Variants in ACCSL observed in about 807,000 individuals in gnomAD.
ACCSL encodes the protein 1-aminocyclopropane-1-carboxylate synthase homolog (inactive) like.
Under a neutral mutation model 61.7 loss-of-function variants are expected in ACCSL, and 55 were observed. The ratio of observed to expected loss-of-function variants is 0.89; its 90% CI spans 0.72 to 1.12. The LOEUF (loss-of-function observed/expected upper bound fraction) is 1.12. ACCSL is among the 50% of genes most tolerant of loss of function. The pLI is 0.00. For missense variants in ACCSL, 632 were observed against 698.0 expected (o/e 0.91, Z 1.07); for synonymous variants, 258 against 264.3 (o/e 0.98, Z 0.23).
chr11:43,987,900 C>T, the ACCSL span, among the ~76,000 whole-genome samples: 2 of 152,148 alleles, frequency 1.3e-5, no homozygotes, highest in Non-Finnish European at 2.9e-5. Flanking sequence ...TTTTTCCTTT[C>T]GGGCATTTCA....
the ACCSL span, chr11:43,925,189 A>T: frequency 3.1e-6 from 1 of 325,850 alleles, no homozygotes; most frequent in South Asian, 2.5e-5. Flanking sequence ...GGGTGCAGAG[A>T]GGAGAGCTGG....
the ACCSL span, among the ~76,000 whole-genome samples, chr11:43,928,246 CAGG>C: frequency 2.0e-5 from 3 of 152,112 alleles, no homozygotes; most frequent in Non-Finnish European, 2.9e-5. Context: ...AGAGAGACTG[CAGG>C]AGTCCAAGTT....
At chr11:43,962,694 A>G in the ACCSL span, among the ~76,000 whole-genome samples, 2 of 152,284 alleles carry the variant, frequency 1.3e-5, no homozygotes, top group Non-Finnish European at 2.9e-5. Context: ...TGGCTAAACC[A>G]GGAAGCAAAG....
At chr11:43,992,092 C>T in the ACCSL span, among the ~76,000 whole-genome samples, 1 of 142,946 alleles carries the variant, frequency 7.0e-6, no homozygotes, top group Non-Finnish European at 1.5e-5. Context: ...CACTCTGTTG[C>T]CCAGGCTGGA....
the ACCSL span, among the ~76,000 whole-genome samples, chr11:43,960,021 C>T: frequency 0.014 from 2,183 of 152,256 alleles, 23 homozygotes; most frequent in Admixed American, 0.023. Flanking sequence ...CTTTTTGGGA[C>T]CAGCTGGGTG....
At chr11:43,936,506 C>T in the ACCSL span, among the ~76,000 whole-genome samples, 5 of 146,494 alleles carry the variant, frequency 3.4e-5, no homozygotes, top group African/African-American at 5.5e-5. Flanking sequence ...AGGGGCATTG[C>T]TTCTACACAC....
the ACCSL span, among the ~76,000 whole-genome samples, chr11:43,987,074 C>G: frequency 6.6e-6 from 1 of 151,974 alleles, no homozygotes; most frequent in Non-Finnish European, 1.5e-5. Flanking sequence ...TCCCCAGTGA[C>G]CTGCCCCCCA....
chr11:44,031,606 CTG>C, the ACCSL span, among the ~76,000 whole-genome samples: 40 of 152,262 alleles, frequency 2.6e-4, no homozygotes, highest in South Asian at 8.3e-3. Context: ...GGCCTTCAGA[CTG>C]TGTGACCCAG....
intron 8 of ACCSL, among the ~76,000 whole-genome samples, chr11:44,054,774 A>T (rs899434141): frequency 1.3e-5 from 2 of 152,104 alleles, no homozygotes; most frequent in Non-Finnish European, 2.9e-5. Context: ...TTCTTCATCT[A>T]AAATGGAGAT....
the ACCSL span, among the ~76,000 whole-genome samples, chr11:44,007,827 A>T: frequency 1.3e-5 from 2 of 152,204 alleles, no homozygotes; most frequent in Admixed American, 6.5e-5. Flanking sequence ...GGCACACAGT[A>T]GGTGCTCTGT....
chr11:44,044,805 G>A (rs1428408672), upstream of ACCSL, among the ~76,000 whole-genome samples: 2 of 152,128 alleles, frequency 1.3e-5, no homozygotes. Flanking sequence ...TTCTGTTCAT[G>A]ATCTGTCTTT....
the ACCSL span, among the ~76,000 whole-genome samples, chr11:43,953,640 A>G: frequency 9.8e-4 from 149 of 152,040 alleles, no homozygotes; most frequent in African/African-American, 3.4e-3. Context: ...ATTTTAATGC[A>G]TTAGCATGCT....
At chr11:43,994,189 C>T in the ACCSL span, among the ~76,000 whole-genome samples, 1 of 152,184 alleles carries the variant, frequency 6.6e-6, no homozygotes, top group Non-Finnish European at 1.5e-5. Flanking sequence ...ATTCACTTAA[C>T]TTTCTTGGAT....
the ACCSL span, among the ~76,000 whole-genome samples, chr11:44,010,179 A>G: frequency 6.6e-6 from 1 of 152,136 alleles, no homozygotes; most frequent in Non-Finnish European, 1.5e-5. Context: ...CGTCTCTACT[A>G]AAAATACAAA....
chr11:43,979,073 G>A, the ACCSL span, among the ~76,000 whole-genome samples: 2 of 152,242 alleles, frequency 1.3e-5, no homozygotes, highest in South Asian at 2.1e-4. Context: ...TCATAAACAG[G>A]TTCTGGGAGG....
the ACCSL span, among the ~76,000 whole-genome samples, chr11:43,985,382 C>G: frequency 6.6e-6 from 1 of 152,132 alleles, no homozygotes; most frequent in Non-Finnish European, 1.5e-5. Context: ...ATGGGAGAGC[C>G]GAGGCCATGG....
the ACCSL span, among the ~76,000 whole-genome samples, chr11:43,991,900 A>G: frequency 6.6e-6 from 1 of 151,972 alleles, no homozygotes; most frequent in Non-Finnish European, 1.5e-5. Flanking sequence ...TGCTCCTCAG[A>G]CAATTTGGTC....
chr11:43,930,393 G>A, the ACCSL span, among the ~76,000 whole-genome samples: 1 of 152,202 alleles, frequency 6.6e-6, no homozygotes, highest in African/African-American at 2.4e-5. Flanking sequence ...GACTCCCAGT[G>A]TTGGACCGGG....
At chr11:43,954,492 A>C in the ACCSL span, among the ~76,000 whole-genome samples, 158 of 152,250 alleles carry the variant, frequency 1.0e-3, no homozygotes, top group African/African-American at 3.7e-3. Context: ...ATTTGCATAG[A>C]GCGAGAAAAT....
Sources: gnomAD v4.1 joint callset for allele counts (sites outside exome capture counted in the v4.1 genomes callset) on GRCh38, gnomAD v4.1.1 for gene constraint, MANE v1.5 for transcripts, NCBI Gene and HGNC (gene_info 2026-07-23, HGNC 2026-07-21) for gene names.